The following SERBP1 variants were observed in gnomAD, a reference collection of about 807,000 sequenced individuals.
The protein encoded by SERBP1 is SERPINE1 mRNA-binding protein 1.
In SERBP1, 6 loss-of-function variants were observed where a neutral mutation model predicts 50.2. The observed-to-expected ratio is 0.12, with a 90% CI of 0.07 to 0.24. SERBP1 has a LOEUF of 0.24. SERBP1 is among the 10% of genes least tolerant of loss of function. The pLI, the probability that SERBP1 is intolerant of heterozygous loss-of-function variation, is 1.00. For missense variants in SERBP1, 346 were observed against 524.9 expected (o/e 0.66, Z 3.33); for synonymous variants, 168 against 182.8 (o/e 0.92, Z 0.65).
intron 4 of SERBP1, 107 bp downstream of exon 4, chr1:67,424,781 C>G (rs898435456): frequency 5.8e-6 from 5 of 857,414 alleles, no homozygotes; most frequent in Non-Finnish European, 9.7e-6. Flanking sequence ...TATAGTAACT[C>G]TCAGAAGAGA....
At chr1:67,415,133 A>G (rs1666959997) in intron 7 of SERBP1, 33 bp downstream of exon 7, 4 of 1,537,990 alleles carry the variant, frequency 2.6e-6, no homozygotes, top group Admixed American at 2.2e-5. Context: ...AGGTCCTTAA[A>G]TTATGTAAAA....
Position 67,424,502 on chromosome 1 carries a change from A to G in SERBP1, c.696-225T>C, listed in dbSNP as rs550348996. 5.6e-6 allele frequency: 3 copies of G among 531,220 alleles called. No individual in the cohort carries two copies. In the East Asian group the frequency reaches 9.4e-5, roughly 17 times the overall value. 32.9% of individuals were successfully genotyped at this position (531,220 alleles called of 1,614,324 possible). ...GTTAGTTCATATACTTCATACTTAA[A>G]AAGTAACAGAACAAGGCAGTTAATT... On this transcript the variant is annotated intron_variant, in intron 4 of 7. Transcript: ENST00000361219.
At chr1:67,422,975 A>G (rs1178446943) in intron 5 of SERBP1, among the ~76,000 whole-genome samples, 1 of 149,502 alleles carries the variant, frequency 6.7e-6, no homozygotes, top group Non-Finnish European at 1.5e-5. Flanking sequence ...AAAACAAAAC[A>G]AAACAAAACA....
chr1:67,429,124 A>C (rs967950346), intron 1 of SERBP1, among the ~76,000 whole-genome samples: 3 of 152,216 alleles, frequency 2.0e-5, no homozygotes, highest in South Asian at 2.1e-4. Flanking sequence ...GAAAAAAAAA[A>C]CTGCGAACTC....
intron 1 of SERBP1, chr1:67,429,479 G>A (rs1308157294): frequency 6.5e-6 from 1 of 152,910 alleles, no homozygotes; most frequent in Non-Finnish European, 1.5e-5. Context: ...ACGACCCCCT[G>A]CTTTTCAGCG....
chr1:67,413,458 G>A (rs544056755), intron 7 of SERBP1, among the ~76,000 whole-genome samples, 195 bp from the exon 8 acceptor site: 5 of 152,170 alleles, frequency 3.3e-5, no homozygotes, highest in Non-Finnish European at 5.9e-5. Flanking sequence ...AGACCAGCCT[G>A]GCCAACATGG....
intron 1 of SERBP1, among the ~76,000 whole-genome samples, chr1:67,429,025 A>C (rs1667477916): frequency 6.6e-6 from 1 of 152,150 alleles, no homozygotes; most frequent in Admixed American, 6.5e-5. Flanking sequence ...GAATGCAAAA[A>C]TCAAGACAAT....
intron 5 of SERBP1, among the ~76,000 whole-genome samples, chr1:67,421,425 G>GT (rs1464627630): frequency 2.0e-5 from 3 of 152,176 alleles, no homozygotes; most frequent in Non-Finnish European, 4.4e-5. Context: ...AGCCAATGTT[G>GT]TGTTTCTTAA....
intron 1 of SERBP1, among the ~76,000 whole-genome samples, chr1:67,428,468 T>C (rs1667458182): frequency 6.6e-6 from 1 of 152,184 alleles, no homozygotes; most frequent in African/African-American, 2.4e-5. Flanking sequence ...TTCAACTTTT[T>C]CGTGTACTTT....
intron 6 of SERBP1, chr1:67,419,670 T>G (rs1667142681): frequency 3.7e-6 from 1 of 270,350 alleles, no homozygotes; most frequent in African/African-American, 2.3e-5. Flanking sequence ...AGCCCTTTAA[T>G]GATCCCCAGT....
intron 4 of SERBP1, 64 bp from the exon 5 acceptor site, chr1:67,424,341 A>G (rs1432133601): frequency 3.2e-6 from 5 of 1,581,288 alleles, no homozygotes; most frequent in Admixed American, 3.8e-5. Flanking sequence ...AGAAAGAAAA[A>G]GAAAGGCATC....
chr1:67,428,789 T>G (rs1667470591), intron 1 of SERBP1, among the ~76,000 whole-genome samples: 1 of 151,440 alleles, frequency 6.6e-6, no homozygotes, highest in Admixed American at 6.6e-5. Context: ...GAAAATTGTT[T>G]TGATTTTTAA....
At position 67,409,421 on chromosome 1, in the gene SERBP1, C is replaced by CACACACACACACACACACACACACA. The variant is rs1553132862; in HGVS notation, c.*3785_*3786insTGTGTGTGTGTGTGTGTGTGTGTGT. The CACACACACACACACACACACACACA allele has an allele frequency of 1.8e-5, 2 of 108,964 alleles. No homozygotes were observed. The highest frequency in any genetic ancestry group is 1.9e-4 in the Admixed American group (2 of 10,476). The allele number at this position is 108,964 out of a possible 1,614,324, so 6.7% of individuals were successfully genotyped here. ...CACACACACACACACACACACACAC[C>CACACACACACACACACACACACACA]CCCACACACACCAGGTCACAGGCTG... is the stretch of plus-strand genomic sequence containing the variant. On this transcript the variant is annotated 3_prime_UTR_variant, in exon 8 of 8. Transcript: ENST00000361219.
chr1:67,428,814 T>TA (rs1667471085), intron 1 of SERBP1, among the ~76,000 whole-genome samples: 3 of 151,798 alleles, frequency 2.0e-5, no homozygotes, highest in African/African-American at 7.3e-5. Flanking sequence ...AGTTCACTGT[T>TA]ACAGAATTCA....
chr1:67,416,871 T>G (rs1321643499), intron 6 of SERBP1, among the ~76,000 whole-genome samples: 1 of 152,216 alleles, frequency 6.6e-6, no homozygotes, highest in East Asian at 1.9e-4. Flanking sequence ...AATTGTGTGA[T>G]TTTTAAATGT....
intron 1 of SERBP1, among the ~76,000 whole-genome samples, chr1:67,428,470 G>A (rs1667458245): frequency 6.6e-6 from 1 of 152,020 alleles, no homozygotes; most frequent in African/African-American, 2.4e-5. Flanking sequence ...CAACTTTTTC[G>A]TGTACTTTCT....
At chr1:67,416,722 T>C (rs181847775) in intron 6 of SERBP1, among the ~76,000 whole-genome samples, 54 of 152,338 alleles carry the variant, frequency 3.5e-4, no homozygotes, top group Non-Finnish European at 6.9e-4. Flanking sequence ...CAACTCATAC[T>C]AGTATTAAAT....
Position 67,419,768 on chromosome 1 carries a change from G to C in SERBP1, c.951+241C>G. The C allele has an allele frequency of 8.3e-6, 4 of 484,570 alleles. No individual in the cohort carries two copies. In the South Asian group the frequency reaches 9.7e-5, roughly 12 times the overall value. 30.0% of individuals were successfully genotyped at this position (484,570 alleles called of 1,614,324 possible). A position where few individuals can be genotyped will look rare whatever the true frequency, so the allele number is the denominator to read the frequency against. On this transcript the variant is annotated intron_variant, in intron 6 of 7. Transcript: ENST00000361219. ...ATAACTACAAGATACTCCACTAACA[G>C]CTTTTTAGGAAAAAGTAACTCTACC... is the stretch of plus-strand genomic sequence containing the variant.
intron 6 of SERBP1, among the ~76,000 whole-genome samples, chr1:67,415,998 G>A (rs1290528886): frequency 6.7e-6 from 1 of 148,238 alleles, no homozygotes; most frequent in Non-Finnish European, 1.5e-5. Flanking sequence ...CACCTTAAAT[G>A]TGTCACAGGA....
Sources: gnomAD v4.1 joint callset for allele counts (sites outside exome capture counted in the v4.1 genomes callset) on GRCh38, gnomAD v4.1.1 for gene constraint, MANE v1.5 for transcripts, NCBI Gene and HGNC (gene_info 2026-07-23, HGNC 2026-07-21) for gene names.